The following NUP153 variants were observed in gnomAD, a reference collection of about 807,000 sequenced individuals.
NUP153 encodes the protein nucleoporin 153.
In NUP153, 27 loss-of-function variants were observed where a neutral mutation model predicts 134.6. That is an observed-to-expected ratio of 0.20 (90% confidence interval 0.15 to 0.28). NUP153 has a LOEUF of 0.28. NUP153 is among the 10% of genes least tolerant of loss of function. The pLI is 1.00. For missense variants in NUP153, 1,821 were observed against 1,731.3 expected (o/e 1.05, Z -0.92); for synonymous variants, 640 against 623.5 (o/e 1.03, Z -0.40).
At chr6:17,702,272 C>T (rs1044593840) in intron 1 of NUP153, among the ~76,000 whole-genome samples, 3 of 152,148 alleles carry the variant, frequency 2.0e-5, no homozygotes, top group African/African-American at 7.2e-5. Context: ...CTTTGGGAGG[C>T]CGAGGCGGGT....
intron 2 of NUP153, among the ~76,000 whole-genome samples, chr6:17,679,801 T>TAATG (rs2113839447): frequency 6.6e-6 from 1 of 152,338 alleles, no homozygotes; most frequent in South Asian, 2.1e-4. Context: ...CATTCTTCGG[T>TAATG]GCTCTCATAA....
At chr6:17,691,617 T>C (rs544764123) in intron 1 of NUP153, among the ~76,000 whole-genome samples, 1 of 151,780 alleles carries the variant, frequency 6.6e-6, no homozygotes, top group African/African-American at 2.4e-5. Context: ...ATACAAAAAT[T>C]AGCCAGGCAT....
chr6:17,668,298 T>C (rs1767673583), intron 8 of NUP153, among the ~76,000 whole-genome samples: 1 of 151,898 alleles, frequency 6.6e-6, no homozygotes, highest in Non-Finnish European at 1.5e-5. Context: ...CAGGCTGGTT[T>C]TGAACTCCTG....
Position 17,706,247 on chromosome 6 carries a change from C to T in NUP153, c.111+30G>A, listed in dbSNP as rs572172771. ...CCCTCCAGCCGAGTTTCCCCACCCG[C>T]CAGGCCACCGCGGCGTCGGGGTCCC... On this transcript the variant is annotated intron_variant, in intron 1 of 21. Transcript: ENST00000262077. This position sits in a 1 kb window ranked among gnomAD's most constrained non-coding sequence, Gnocchi z 5.9. 8.9e-5 allele frequency: 140 copies of T among 1,570,372 alleles called. 2 individuals are homozygous for T. The African/African-American group carries it at 1.6e-3, about 17-fold the overall frequency.
intron 11 of NUP153, among the ~76,000 whole-genome samples, chr6:17,652,381 C>T (rs1383195543): frequency 6.6e-6 from 1 of 151,980 alleles, no homozygotes; most frequent in African/African-American, 2.4e-5. Context: ...ATACCCTCCC[C>T]CCCAAATATT....
rs180709952 is a variant in NUP153 at position 17,664,300 on chromosome 6, C to T, written c.1215+939G>A. 5.3e-5 allele frequency among the ~76,000 whole-genome samples: 8 copies of T among 152,170 alleles called. No homozygotes were observed. In the South Asian group the frequency reaches 8.3e-4, roughly 16 times the overall value. On this transcript the variant is annotated intron_variant, in intron 9 of 21. Coordinates refer to ENST00000262077, the MANE Select transcript of NUP153 (RefSeq NM_005124.4). ...TTAACAGTTGAACAACTCACAGACA[C>T]CACTTTATTTATAAAGTGTTTTCCA...
In NUP153 at chr6:17,675,766, A is replaced by C; in HGVS notation, c.339T>G (p.Pro113=). ...PEPAVSNTEE[P]STTSTASNYP... is the part of the protein sequence containing the mutation. ...AATTTGAAGCAGTACTAGTTGTTGA[A>C]GGTTCTTAAAAGAAAAGCATTAATA... Residue 113 remains proline (P), a synonymous_variant, in exon 3 of 22, where the codon CCT becomes CCG. Coordinates refer to ENST00000262077, the MANE Select transcript of NUP153 (RefSeq NM_005124.4). The surrounding 1 kb of genome is among the most constrained non-coding windows in gnomAD (Gnocchi z 4.4). The C allele has an allele frequency of 1.9e-6, 3 of 1,613,158 alleles. No homozygotes were observed. Among genetic ancestry groups the C allele is most frequent in the Non-Finnish European group, 2.5e-6 (3 of 1,179,092 alleles).
At chr6:17,639,011 C>T (rs926175695) in intron 15 of NUP153, among the ~76,000 whole-genome samples, 7 of 152,112 alleles carry the variant, frequency 4.6e-5, no homozygotes, top group African/African-American at 1.7e-4. Context: ...CTGGTGGGTA[C>T]GTTTAAATTC....
chr6:17,631,469 T>A (rs1765249825), intron 17 of NUP153, among the ~76,000 whole-genome samples: 1 of 152,224 alleles, frequency 6.6e-6, no homozygotes, highest in South Asian at 2.1e-4. Context: ...TAATGTACAT[T>A]GTGCCCATTA....
chr6:17,650,934 CAT>C (rs1193014486), intron 11 of NUP153, among the ~76,000 whole-genome samples: 1 of 152,072 alleles, frequency 6.6e-6, no homozygotes, highest in Admixed American at 6.5e-5. Context: ...ATGAAAGTAA[CAT>C]AAAGTAATCT....
In NUP153 at chr6:17,616,057, C is replaced by T; in HGVS notation, c.*40G>A. ...CAATCCAGTATCTGAAAGCAGGGCA[C>T]CAGCTGTTGTTAAAATTGAGTACAA... On this transcript the variant is annotated 3_prime_UTR_variant, in exon 22 of 22. Coordinates refer to ENST00000262077, the MANE Select transcript of NUP153 (RefSeq NM_005124.4). The T allele has an allele frequency of 2.9e-6, 4 of 1,376,696 alleles. No individual in the cohort carries two copies. The highest frequency in any genetic ancestry group is 4.2e-6 in the Non-Finnish European group (4 of 963,792). 85.3% of individuals were successfully genotyped at this position (1,376,696 alleles called of 1,614,324 possible). A position where few individuals can be genotyped will look rare whatever the true frequency, so the allele number is the denominator to read the frequency against.
chr6:17,661,814 T>C lies in NUP153; in HGVS notation c.1269-35A>G, dbSNP rs149150045. 6.6e-5 allele frequency: 105 copies of C among 1,597,560 alleles called. No homozygotes were observed. In the East Asian group the frequency reaches 1.9e-3, roughly 28 times the overall value. On this transcript the variant is annotated intron_variant, in intron 10 of 21. Transcript: ENST00000262077. The stretch of plus-strand genomic sequence containing the variant: ...AAAAAGAAAATTAAAACAACTGATA[T>C]ATTATTGTGGTCCATAACTTGTTAA...
chr6:17,638,328 CT>C lies in NUP153; in HGVS notation c.1847-559del, dbSNP rs1230744214. Among the ~76,000 whole-genome samples the C allele has an allele frequency of 9.9e-5, 15 of 152,178 alleles. No homozygotes were observed. The highest frequency in any genetic ancestry group is 3.1e-4 in the African/African-American group (13 of 41,442). On this transcript the variant is annotated intron_variant, in intron 15 of 21. Coordinates refer to ENST00000262077, the MANE Select transcript of NUP153 (RefSeq NM_005124.4). The surrounding 1 kb of genome is among the most constrained non-coding windows in gnomAD (Gnocchi z 4.0). ...AGCTGTATTTTACTCATGAGAATGA[CT>C]TTTGTAATTGTTTACTTAGGACCAG...
In NUP153 at chr6:17,660,453, A is replaced by G. The variant is rs114193832; in HGVS notation, c.1395+1200T>C. Among the ~76,000 whole-genome samples, 637 of 152,262 alleles carry G rather than the reference A, an allele frequency of 4.2e-3. 6 individuals are homozygous for G. Among genetic ancestry groups the G allele is most frequent in the African/African-American group, 0.015 (606 of 41,568 alleles). On this transcript the variant is annotated intron_variant, in intron 11 of 21. Transcript: ENST00000262077. ...TAGTTAGAAAAAAAGAGCAATATAT[A>G]GACAGAAAGGTTAATGTAACCAATC...
chr6:17,644,296 C>G (rs1766020656), intron 14 of NUP153, among the ~76,000 whole-genome samples: 1 of 152,184 alleles, frequency 6.6e-6, no homozygotes, highest in African/African-American at 2.4e-5. Flanking sequence ...GTTTCTGCCT[C>G]TAACATGCCA....
chr6:17,674,200 A>G (rs1241054139), intron 5 of NUP153, among the ~76,000 whole-genome samples: 1 of 152,174 alleles, frequency 6.6e-6, no homozygotes. Flanking sequence ...ACATAAGGTA[A>G]CGTTTTGGGG....
At chr6:17,701,836 G>GT (rs1254363723) in intron 1 of NUP153, among the ~76,000 whole-genome samples, 1 of 106,522 alleles carries the variant, frequency 9.4e-6, no homozygotes, top group African/African-American at 3.6e-5. Flanking sequence ...CTGTCTCGGG[G>GT]GGGGGGGGAA....
intron 1 of NUP153, among the ~76,000 whole-genome samples, chr6:17,698,568 C>G (rs892697519): frequency 6.6e-6 from 1 of 152,082 alleles, no homozygotes; most frequent in African/African-American, 2.4e-5. Flanking sequence ...GAAACCCCAT[C>G]TCTACTAAGA....
chr6:17,703,805 TTTTC>T (rs1370194340), intron 1 of NUP153, among the ~76,000 whole-genome samples: 7 of 152,142 alleles, frequency 4.6e-5, no homozygotes, highest in African/African-American at 1.7e-4. Flanking sequence ...CTAAAATATG[TTTTC>T]TTTTTTAATT....
Sources: allele counts gnomAD v4.1 joint callset (sites outside exome capture counted in the v4.1 genomes callset), GRCh38; gene constraint gnomAD v4.1.1; non-coding constraint Gnocchi (gnomAD v3.1); transcripts MANE v1.5; gene names NCBI Gene and HGNC (gene_info 2026-07-23, HGNC 2026-07-21).